Variants in PCDH9 observed in about 807,000 individuals in gnomAD.
PCDH9 encodes the protein protocadherin-9.
PCDH9 carries 24 observed loss-of-function variants against 70.6 expected under a neutral mutation model. The ratio of observed to expected loss-of-function variants is 0.34; its 90% CI spans 0.25 to 0.48. The LOEUF is 0.48. PCDH9 is among the 20% of genes least tolerant of loss of function. PCDH9 has a pLI of 0.99. For missense variants in PCDH9, 1,281 were observed against 1,503.6 expected (o/e 0.85, Z 2.45); for synonymous variants, 562 against 558.5 (o/e 1.01, Z -0.09).
intron 2 of PCDH9, among the ~76,000 whole-genome samples, chr13:67,151,941 TG>T (rs2087673165): frequency 6.6e-6 from 1 of 152,050 alleles, no homozygotes; most frequent in Admixed American, 6.6e-5. Context: ...ATTTTTTTTT[TG>T]TTACAAGACT....
intron 2 of PCDH9, among the ~76,000 whole-genome samples, chr13:67,092,513 A>C (rs2086237942): frequency 6.6e-6 from 1 of 152,092 alleles, no homozygotes; most frequent in South Asian, 2.1e-4. Flanking sequence ...GCAAAGCAAA[A>C]ATCTCATTTT....
At position 66,854,192 on chromosome 13, in the gene PCDH9, G is replaced by A. The variant is rs140605537; in HGVS notation, c.3138+49312C>T. Among the ~76,000 whole-genome samples, 1,214 of 152,240 alleles carry A rather than the reference G, an allele frequency of 8.0e-3. 12 individuals are homozygous for A. The highest frequency in any genetic ancestry group is 0.027 in the African/African-American group (1,133 of 41,562). ...TTGAGCAGACATTGGTTCCAACACT[G>A]TCTAGTCCACTTGTAGTTGTATGAC... is the stretch of plus-strand genomic sequence containing the variant. On this transcript the variant is annotated intron_variant, in intron 3 of 4. Coordinates refer to ENST00000377865, the MANE Select transcript of PCDH9 (RefSeq NM_203487.3).
chr13:66,583,065 A>G (rs1191688954), intron 4 of PCDH9, among the ~76,000 whole-genome samples: 1 of 143,770 alleles, frequency 7.0e-6, no homozygotes, highest in Non-Finnish European at 1.5e-5. Context: ...AGATCCACAC[A>G]TGGGCATAAG....
chr13:66,692,897 G>A (rs2078508442), intron 3 of PCDH9, among the ~76,000 whole-genome samples: 1 of 151,924 alleles, frequency 6.6e-6, no homozygotes, highest in Admixed American at 6.6e-5. Context: ...ATATAAACAA[G>A]GAATGGACTA....
At chr13:67,089,592 T>A (rs890195785) in intron 2 of PCDH9, among the ~76,000 whole-genome samples, 1 of 152,020 alleles carries the variant, frequency 6.6e-6, no homozygotes, top group African/African-American at 2.4e-5. Flanking sequence ...TGCAATTTTT[T>A]AAATAAAAAT....
intron 3 of PCDH9, among the ~76,000 whole-genome samples, chr13:66,797,661 G>A (rs2080265009): frequency 6.6e-6 from 1 of 152,058 alleles, no homozygotes; most frequent in Non-Finnish European, 1.5e-5. Flanking sequence ...TCTACTATAT[G>A]AAGACATGTC....
At chr13:66,902,405 A>G (rs1312685490) in intron 3 of PCDH9, among the ~76,000 whole-genome samples, 2 of 151,828 alleles carry the variant, frequency 1.3e-5, no homozygotes, top group East Asian at 3.9e-4. Flanking sequence ...TAATCAAAGT[A>G]GTTTCTTCAA....
chr13:66,409,921 C>T (rs1333489042), intron 4 of PCDH9, among the ~76,000 whole-genome samples: 1 of 152,116 alleles, frequency 6.6e-6, no homozygotes, highest in Non-Finnish European at 1.5e-5. Context: ...TTAAACCTGG[C>T]AATCCTATTT....
intron 3 of PCDH9, among the ~76,000 whole-genome samples, chr13:66,733,594 T>G (rs1270546932): frequency 6.6e-6 from 1 of 152,054 alleles, no homozygotes; most frequent in African/African-American, 2.4e-5. Context: ...GGAAAATCTG[T>G]TAAGTGGCAT....
intron 4 of PCDH9, among the ~76,000 whole-genome samples, chr13:66,532,757 A>C (rs958161451): frequency 6.6e-5 from 10 of 152,018 alleles, no homozygotes; most frequent in African/African-American, 2.4e-4. Flanking sequence ...GGCAGATGTC[A>C]AGATTAATTT....
chr13:66,320,466 G>T (rs1267224668), intron 4 of PCDH9, among the ~76,000 whole-genome samples: 1 of 151,932 alleles, frequency 6.6e-6, no homozygotes, highest in Non-Finnish European at 1.5e-5. Context: ...ACAGTCAAAA[G>T]TTTCAAGATC....
At chr13:66,565,776 C>T (rs1001042266) in intron 4 of PCDH9, among the ~76,000 whole-genome samples, 1 of 152,174 alleles carries the variant, frequency 6.6e-6, no homozygotes, top group Non-Finnish European at 1.5e-5. Context: ...TATTTATATA[C>T]ATTCCTTCAA....
chr13:67,033,778 T>C (rs146506769), intron 2 of PCDH9, among the ~76,000 whole-genome samples: 150 of 152,308 alleles, frequency 9.8e-4, no homozygotes, highest in African/African-American at 3.5e-3. Context: ...GTATTTTGTA[T>C]ACCAGAAATC....
intron 2 of PCDH9, among the ~76,000 whole-genome samples, chr13:67,047,765 G>A (rs748386973): frequency 6.6e-6 from 1 of 152,156 alleles, no homozygotes; most frequent in Non-Finnish European, 1.5e-5. Flanking sequence ...TACATCAAAA[G>A]CCAACTCTCT....
At chr13:66,365,229 C>T (rs771408190) in intron 4 of PCDH9, among the ~76,000 whole-genome samples, 10 of 152,154 alleles carry the variant, frequency 6.6e-5, no homozygotes, top group South Asian at 2.1e-4. Context: ...GGGAGCAGAA[C>T]GACAAGGTTC....
chr13:66,792,754 A>T (rs981363134), intron 3 of PCDH9, among the ~76,000 whole-genome samples: 1 of 152,126 alleles, frequency 6.6e-6, no homozygotes, highest in Admixed American at 6.6e-5. Flanking sequence ...CCTTTGAAAA[A>T]ATCTGATCAT....
chr13:66,818,190 G>C (rs543510924), intron 3 of PCDH9, among the ~76,000 whole-genome samples: 2 of 152,064 alleles, frequency 1.3e-5, no homozygotes, highest in African/African-American at 4.8e-5. Context: ...GTATAATTAC[G>C]TTCCTTTCTC....
At chr13:66,500,370 G>T (rs538393151) in intron 4 of PCDH9, among the ~76,000 whole-genome samples, 2 of 152,228 alleles carry the variant, frequency 1.3e-5, no homozygotes, top group East Asian at 3.9e-4. Context: ...AAAGAAGAAT[G>T]AAATATCGTC....
chr13:67,040,365 C>A (rs1204744581), intron 2 of PCDH9, among the ~76,000 whole-genome samples: 1 of 152,176 alleles, frequency 6.6e-6, no homozygotes, highest in Non-Finnish European at 1.5e-5. Flanking sequence ...GTCCCAGCTA[C>A]TCAGGAGGCT....
Sources: allele counts gnomAD v4.1 joint callset (sites outside exome capture counted in the v4.1 genomes callset), GRCh38; gene constraint gnomAD v4.1.1; transcripts MANE v1.5; gene names NCBI Gene and HGNC (gene_info 2026-07-23, HGNC 2026-07-21).